GPC5: variants seen among roughly 807,000 people sequenced by gnomAD.
GPC5 encodes glypican-5.
In GPC5, 47 loss-of-function variants were observed where a neutral mutation model predicts 53.9. That is an observed-to-expected ratio of 0.87 (90% CI 0.69 to 1.11). GPC5 has a LOEUF of 1.11. Among genes scored for constraint, GPC5 ranks in the 50% most tolerant of loss-of-function variants. The probability of loss-of-function intolerance (pLI) is 0.00; values close to 1 mark genes in which losing one functional copy is unlikely to be tolerated. For synonymous variants in GPC5, 286 were observed against 263.3 expected, an observed-to-expected ratio of 1.09 and a Z score of -0.84; for missense variants, 748 against 713.1, an observed-to-expected ratio of 1.05 and a Z score of -0.56.
chr13:91,428,299 A>C (rs1879198866), intron 1 of GPC5, among the ~76,000 whole-genome samples: 3 of 152,222 alleles, frequency 2.0e-5, no homozygotes, highest in South Asian at 2.1e-4. Flanking sequence ...AGCCCTCAGC[A>C]GCAAGAGGAG....
chr13:91,643,222 G>A (rs759651190), intron 2 of GPC5, among the ~76,000 whole-genome samples: 4 of 151,978 alleles, frequency 2.6e-5, no homozygotes, highest in Admixed American at 2.6e-4. Flanking sequence ...AGCCTCATTT[G>A]GTGAACAGAG....
At chr13:92,105,027 A>G (rs913001391) in intron 6 of GPC5, among the ~76,000 whole-genome samples, 1 of 152,138 alleles carries the variant, frequency 6.6e-6, no homozygotes, top group Non-Finnish European at 1.5e-5. Flanking sequence ...TAAGGTATAA[A>G]GAAGCATCAG....
intron 7 of GPC5, among the ~76,000 whole-genome samples, chr13:92,710,280 T>G (rs1888088642): frequency 1.3e-5 from 2 of 151,978 alleles, no homozygotes; most frequent in Non-Finnish European, 2.9e-5. Flanking sequence ...TATTACTAAT[T>G]CAAAAGAAGA....
intron 5 of GPC5, among the ~76,000 whole-genome samples, chr13:91,906,602 G>A (rs2039555659): frequency 6.6e-6 from 1 of 152,028 alleles, no homozygotes; most frequent in South Asian, 2.1e-4. Flanking sequence ...TCCTGGTTAA[G>A]TAATGAGCAT....
chr13:92,816,674 A>T (rs1877487777), intron 7 of GPC5, among the ~76,000 whole-genome samples: 1 of 152,000 alleles, frequency 6.6e-6, no homozygotes, highest in African/African-American at 2.4e-5. Flanking sequence ...TTGAAAAGAA[A>T]ACAGTATATA....
intron 2 of GPC5, among the ~76,000 whole-genome samples, chr13:91,515,377 G>A (rs749467376): frequency 1.2e-4 from 18 of 152,096 alleles, no homozygotes; most frequent in Non-Finnish European, 2.5e-4. Context: ...GGGGCTCAAA[G>A]AGAATGGGAA....
chr13:91,976,913 C>T (rs1594700936), intron 6 of GPC5, among the ~76,000 whole-genome samples: 2 of 152,060 alleles, frequency 1.3e-5, no homozygotes, highest in African/African-American at 4.8e-5. Flanking sequence ...GTGGCACACA[C>T]CTGTAGTCCC....
At chr13:91,998,274 T>C (rs2040522482) in intron 6 of GPC5, among the ~76,000 whole-genome samples, 1 of 152,220 alleles carries the variant, frequency 6.6e-6, no homozygotes. Context: ...ATGCTGTAGG[T>C]ATAGAATAAC....
At chr13:92,151,472 T>C (rs1350379981) in intron 7 of GPC5, among the ~76,000 whole-genome samples, 1 of 152,110 alleles carries the variant, frequency 6.6e-6, no homozygotes, top group East Asian at 1.9e-4. Context: ...TAAAACACCG[T>C]ATATTAGCAT....
intron 5 of GPC5, among the ~76,000 whole-genome samples, chr13:91,824,228 A>T (rs983757382): frequency 6.6e-6 from 1 of 152,062 alleles, no homozygotes; most frequent in Non-Finnish European, 1.5e-5. Context: ...AAATCAATTC[A>T]ACAAAAATGA....
At chr13:91,964,046 G>T (rs1321379291) in intron 6 of GPC5, among the ~76,000 whole-genome samples, 1 of 152,102 alleles carries the variant, frequency 6.6e-6, no homozygotes, top group East Asian at 1.9e-4. Flanking sequence ...ATGAAGCCAT[G>T]GACTCTCGCG....
rs562735948 is a variant in GPC5 at position 92,421,359 on chromosome 13, T to G, written c.1561+276370T>G. Among the ~76,000 whole-genome samples, 11 of 152,260 alleles carry G rather than the reference T, an allele frequency of 7.2e-5. No homozygotes were observed. The East Asian group carries it at 1.9e-3, about 27-fold the overall frequency. On this transcript the variant is annotated intron_variant, in intron 7 of 7. Coordinates refer to ENST00000377067, the MANE Select transcript of GPC5 (RefSeq NM_004466.6). ...GAAAGGGAGACACTGTGTTAATCTA[T>G]TCTCACATTGTTATAAAGAAATGCC...
At chr13:91,968,421 AT>A (rs2040209844) in intron 6 of GPC5, among the ~76,000 whole-genome samples, 1 of 152,030 alleles carries the variant, frequency 6.6e-6, no homozygotes, top group Non-Finnish European at 1.5e-5. Flanking sequence ...TAATATTAAT[AT>A]ATGTTTCAAA....
chr13:91,918,810 G>A (rs1469075099), intron 6 of GPC5, among the ~76,000 whole-genome samples: 5 of 151,958 alleles, frequency 3.3e-5, no homozygotes, highest in Non-Finnish European at 7.4e-5. Flanking sequence ...GGATCTTCAT[G>A]TATCTCTTTA....
intron 7 of GPC5, among the ~76,000 whole-genome samples, chr13:92,292,396 T>C (rs2043002960): frequency 6.6e-6 from 1 of 152,234 alleles, no homozygotes; most frequent in Non-Finnish European, 1.5e-5. Context: ...TGGTATTGTG[T>C]TGTGGTTTTG....
chr13:92,029,401 T>C (rs983579905), intron 6 of GPC5, among the ~76,000 whole-genome samples: 2 of 152,198 alleles, frequency 1.3e-5, no homozygotes, highest in African/African-American at 4.8e-5. Context: ...CTGCTGTACG[T>C]TGTGTCTTGA....
chr13:92,766,389 A>AT (rs1350460927), intron 7 of GPC5, among the ~76,000 whole-genome samples: 1 of 152,052 alleles, frequency 6.6e-6, no homozygotes, highest in Admixed American at 6.6e-5. Flanking sequence ...CTCAGAACTG[A>AT]TTTTTTCAAA....
chr13:91,558,033 A>T (rs2031054010), intron 2 of GPC5, among the ~76,000 whole-genome samples: 1 of 152,164 alleles, frequency 6.6e-6, no homozygotes, highest in African/African-American at 2.4e-5. Context: ...AAAAGATAAA[A>T]GTCAGGGGGA....
At chr13:92,232,600 T>G (rs950368822) in intron 7 of GPC5, among the ~76,000 whole-genome samples, 8 of 152,226 alleles carry the variant, frequency 5.3e-5, no homozygotes, top group Non-Finnish European at 7.3e-5. Flanking sequence ...AATTCTATGA[T>G]ATTCCTCTAA....
Sources: gnomAD v4.1 joint callset for allele counts (sites outside exome capture counted in the v4.1 genomes callset) on GRCh38, gnomAD v4.1.1 for gene constraint, MANE v1.5 for transcripts, NCBI Gene and HGNC (gene_info 2026-07-23, HGNC 2026-07-21) for gene names.